The following RIC1 variants were observed in gnomAD, a reference collection of about 807,000 sequenced individuals.
The protein encoded by RIC1 is RIC1 partner of RAB6A GEF complex.
In RIC1, 88 loss-of-function variants were observed where a neutral mutation model predicts 169.0. The ratio of observed to expected loss-of-function variants is 0.52; its 90% confidence interval spans 0.44 to 0.62. The LOEUF (loss-of-function observed/expected upper bound fraction) is 0.62. Among genes scored for constraint, RIC1 ranks in the 20% least tolerant of loss-of-function variants. RIC1 has a pLI of 0.00. For synonymous variants in RIC1, 790 were observed against 601.5 expected, an observed-to-expected ratio of 1.31 and a Z score of -4.59; for missense variants, 1,877 against 1,725.5, an observed-to-expected ratio of 1.09 and a Z score of -1.56.
At chr9:5,641,035 T>C (rs1039353885) in intron 1 of RIC1, among the ~76,000 whole-genome samples, 1 of 151,834 alleles carries the variant, frequency 6.6e-6, no homozygotes, top group African/African-American at 2.4e-5. Flanking sequence ...GGATCTTTCT[T>C]TATCCTTGAT....
At chr9:5,672,861 G>A (rs899797442) in intron 2 of RIC1, among the ~76,000 whole-genome samples, 1 of 152,098 alleles carries the variant, frequency 6.6e-6, no homozygotes, top group African/African-American at 2.4e-5. Flanking sequence ...ATTGACAATA[G>A]ACTTCTCACT....
intron 2 of RIC1, among the ~76,000 whole-genome samples, chr9:5,686,160 C>T (rs1586947139): frequency 6.6e-6 from 1 of 151,262 alleles, no homozygotes; most frequent in South Asian, 2.1e-4. Context: ...GAAATAGGAA[C>T]AGTTTTACAC....
At position 5,738,542 on chromosome 9, in the gene RIC1, AGTC is replaced by A; in HGVS notation, c.901+5_901+7del. ...CTAACAGCAAAACAGTATCCTGGTG[AGTC>A]TTTTTTTTTTTTTTTTTTTTTAACA... is the stretch of plus-strand genomic sequence containing the variant. On this transcript the variant is annotated splice_donor_5th_base_variant and intron_variant, in intron 8 of 25. Coordinates refer to ENST00000414202, the MANE Select transcript of RIC1 (RefSeq NM_020829.4). The A allele has an allele frequency of 1.2e-5, 10 of 851,618 alleles. No individual in the cohort carries two copies. The highest frequency in any genetic ancestry group is 1.8e-5 in the Non-Finnish European group (10 of 565,592). 52.8% of individuals were successfully genotyped at this position (851,618 alleles called of 1,614,324 possible). A position where few individuals can be genotyped will look rare whatever the true frequency, so the allele number is the denominator to read the frequency against.
intron 2 of RIC1, among the ~76,000 whole-genome samples, chr9:5,688,866 G>C (rs1190410328): frequency 6.6e-6 from 1 of 152,008 alleles, no homozygotes; most frequent in Admixed American, 6.6e-5. Context: ...AAAGTAGTTT[G>C]GGCAAAACAC....
At chr9:5,636,223 G>T (rs80084486) in intron 1 of RIC1, among the ~76,000 whole-genome samples, 1 of 152,244 alleles carries the variant, frequency 6.6e-6, no homozygotes, top group South Asian at 2.1e-4. Context: ...ACCTTCTTCA[G>T]TTTATTTCAT....
At chr9:5,765,333 T>C in intron 19 of RIC1, 81 bp from the exon 20 acceptor site, 2 of 1,452,382 alleles carry the variant, frequency 1.4e-6, no homozygotes, top group Non-Finnish European at 1.9e-6. Context: ...TCTTTGAGTT[T>C]AGAAAACGAG....
chr9:5,696,412 T>C (rs1821907922), intron 3 of RIC1, among the ~76,000 whole-genome samples: 2 of 152,220 alleles, frequency 1.3e-5, no homozygotes, highest in African/African-American at 4.8e-5. Flanking sequence ...CTGCTATCTT[T>C]TTTTATGTAA....
Position 5,762,485 on chromosome 9 carries a change from G to T in RIC1, c.1993-56G>T, listed in dbSNP as rs111462333. ...TAAACCTTATGGATTGGGGGGAGATGCGGAAAGCATACCGATACAGAAGTA... is the reference window on the plus strand; with the variant it reads ...TAAACCTTATGGATTGGGGGGAGATTCGGAAAGCATACCGATACAGAAGTA... On this transcript the variant is annotated intron_variant, in intron 17 of 25. Coordinates refer to ENST00000414202, the MANE Select transcript of RIC1 (RefSeq NM_020829.4). 1.2e-5 allele frequency: 19 copies of T among 1,600,466 alleles called. No individual in the cohort carries two copies. In the African/African-American group the frequency reaches 1.3e-4, roughly 11 times the overall value.
Position 5,770,088 on chromosome 9 carries a change from G to T in RIC1, c.3426G>T (p.Val1142=). The T allele has an allele frequency of 6.2e-7, 1 of 1,609,886 alleles. No homozygotes were observed. Among genetic ancestry groups the T allele is most frequent in the Non-Finnish European group, 8.5e-7 (1 of 1,177,844 alleles). Residue 1142 remains valine (V), a splice_region_variant and synonymous_variant, in exon 23 of 26, where the codon GTG becomes GTT. Coordinates refer to ENST00000414202, the MANE Select transcript of RIC1 (RefSeq NM_020829.4). ...SPFKNGKYRT[V]GEQLLKSQSA... is the part of the protein sequence containing the mutation. ...TTTGTTTTCGGACCCACTCTGCAGT[G>T]GGAGAGCAGCTGTTAAAGTCTCAAT...
At chr9:5,666,933 A>G (rs1001302178) in intron 2 of RIC1, among the ~76,000 whole-genome samples, 13 of 152,184 alleles carry the variant, frequency 8.5e-5, no homozygotes, top group South Asian at 6.2e-4. Context: ...TATTTATGCA[A>G]AATTACTGGT....
intron 1 of RIC1, among the ~76,000 whole-genome samples, chr9:5,632,032 A>G (rs1341082879): frequency 6.6e-6 from 1 of 152,206 alleles, no homozygotes; most frequent in Non-Finnish European, 1.5e-5. Flanking sequence ...TGTAGATACA[A>G]GTAGTTTTAT....
At chr9:5,738,174 AGGCT>A (rs1301499291) in intron 7 of RIC1, among the ~76,000 whole-genome samples, 4 of 152,186 alleles carry the variant, frequency 2.6e-5, no homozygotes, top group African/African-American at 9.7e-5. Flanking sequence ...GTTGCTAGAT[AGGCT>A]ATTTCCTTTT....
At chr9:5,660,866 T>C (rs1819412978) in intron 2 of RIC1, among the ~76,000 whole-genome samples, 1 of 152,222 alleles carries the variant, frequency 6.6e-6, no homozygotes, top group African/African-American at 2.4e-5. Context: ...TTAGATCCCA[T>C]TTGTCAATTT....
At chr9:5,770,620 T>G (rs920192161) in intron 23 of RIC1, among the ~76,000 whole-genome samples, 2 of 152,246 alleles carry the variant, frequency 1.3e-5, no homozygotes, top group African/African-American at 2.4e-5. Context: ...TAGATGTGGA[T>G]CATAACAAAT....
chr9:5,713,868 T>C, intron 3 of RIC1, 28 bp from the exon 4 acceptor site: 1 of 1,528,880 alleles, frequency 6.5e-7, no homozygotes, highest in Non-Finnish European at 9.1e-7. Context: ...TTCAGCATCT[T>C]TCTTTAACTC....
intron 3 of RIC1, among the ~76,000 whole-genome samples, chr9:5,691,570 T>A (rs536277296): frequency 2.0e-5 from 3 of 151,904 alleles, no homozygotes; most frequent in African/African-American, 7.2e-5. Context: ...GATAGGAACA[T>A]CATGATGTAT....
chr9:5,722,337 AAGAG>A (rs147623001), intron 6 of RIC1, among the ~76,000 whole-genome samples: 1 of 115,374 alleles, frequency 8.7e-6, no homozygotes, highest in African/African-American at 3.5e-5. Context: ...CAAAAACTAT[AAGAG>A]AGAGAGAGTG....
chr9:5,712,929 T>A (rs987685806), intron 3 of RIC1: 11 of 152,212 alleles, frequency 7.2e-5, no homozygotes, highest in African/African-American at 2.6e-4. Flanking sequence ...AGAATGGTAA[T>A]AAATCACCAC....
intron 3 of RIC1, among the ~76,000 whole-genome samples, chr9:5,690,790 T>C (rs1447324957): frequency 6.6e-6 from 1 of 151,954 alleles, no homozygotes; most frequent in Non-Finnish European, 1.5e-5. Context: ...GGCCAAGTCT[T>C]ACTACTTTTA....
Sources: allele counts gnomAD v4.1 joint callset (sites outside exome capture counted in the v4.1 genomes callset), GRCh38; gene constraint gnomAD v4.1.1; transcripts MANE v1.5; gene names NCBI Gene and HGNC (gene_info 2026-07-23, HGNC 2026-07-21).